The following CYB561A3 variants were observed in gnomAD, a reference collection of about 807,000 sequenced individuals.
CYB561A3 encodes lysosomal membrane ascorbate-dependent ferrireductase CYB561A3.
A neutral mutation model predicts 25.3 loss-of-function variants in CYB561A3; 16 were observed. The observed-to-expected ratio is 0.63, with a 90% CI of 0.43 to 0.96. The LOEUF (loss-of-function observed/expected upper bound fraction) is 0.96, where lower values mean the gene tolerates loss of function less well. Among genes scored for constraint, CYB561A3 ranks in the 40% least tolerant of loss-of-function variants. The pLI is 0.00. For synonymous variants in CYB561A3, 131 were observed against 129.9 expected, an observed-to-expected ratio of 1.01 and a Z score of -0.06; for missense variants, 219 against 307.5, an observed-to-expected ratio of 0.71 and a Z score of 2.15.
At chr11:61,350,758 G>GT in intron 6 of CYB561A3, 1 of 614,180 alleles carries the variant, frequency 1.6e-6, no homozygotes, top group East Asian at 2.9e-5. Flanking sequence ...ACAGTGATTT[G>GT]GGGGGGAAAT....
intron 3 of CYB561A3, among the ~76,000 whole-genome samples, chr11:61,355,148 G>A (rs377353761): frequency 1.3e-5 from 2 of 152,152 alleles, no homozygotes; most frequent in Admixed American, 6.5e-5. Context: ...GATTACAGGC[G>A]TGAGCCACCA....
intron 1 of CYB561A3, chr11:61,358,743 A>G (rs1857737105): frequency 6.6e-6 from 1 of 152,108 alleles, no homozygotes. Context: ...ATATATATAT[A>G]CATAGAATTC....
chr11:61,353,588 G>A (rs1247457540), intron 4 of CYB561A3, 196 bp downstream of exon 4: 2 of 732,022 alleles, frequency 2.7e-6, no homozygotes, highest in Non-Finnish European at 2.4e-6. Context: ...GGCAATGGGA[G>A]GGATAAAAGG....
chr11:61,361,413 G>T (rs1027985710), intron 1 of CYB561A3: 2 of 152,220 alleles, frequency 1.3e-5, no homozygotes, highest in Non-Finnish European at 2.9e-5. Flanking sequence ...TTCAGGCTGT[G>T]CCTAGGTCCG....
At chr11:61,356,386 G>T in intron 3 of CYB561A3, 144 bp downstream of exon 3, 2 of 944,838 alleles carry the variant, frequency 2.1e-6, no homozygotes, top group Non-Finnish European at 2.8e-6. Flanking sequence ...TCCCCCAAAT[G>T]ACAGCTAGGC....
chr11:61,361,687 A>G (rs1857892975), intron 1 of CYB561A3, 46 bp downstream of exon 1: 1 of 152,362 alleles, frequency 6.6e-6, no homozygotes, highest in African/African-American at 2.4e-5. Flanking sequence ...CGGAACCAGC[A>G]TTCGAACCCA....
At chr11:61,357,954 G>A (rs1245991756) in intron 1 of CYB561A3, 126 bp from the exon 2 acceptor site, 2 of 152,216 alleles carry the variant, frequency 1.3e-5, no homozygotes, top group African/African-American at 4.8e-5. Flanking sequence ...ATATTATTCC[G>A]TGAGGAAACT....
chr11:61,356,684 G>A lies in CYB561A3; in HGVS notation c.30C>T (p.Cys10=), dbSNP rs760125644. 61 of 1,614,198 alleles carry A rather than the reference G, an allele frequency of 3.8e-5. No homozygotes were observed. Among genetic ancestry groups the A allele is most frequent in the Non-Finnish European group, 5.0e-5 (59 of 1,180,036 alleles). ...TAGAGCCCAGGGACCCCAGCAGCAG[G>A]CAGGACAAGTAGAACCGTCCAGACA... MVSGRFYLS[C]LLLGSLGSMC... Residue 10 remains cysteine, a synonymous_variant, in exon 3 of 7, where the codon TGC becomes TGT. Coordinates refer to ENST00000294072, the MANE Select transcript of CYB561A3 (RefSeq NM_153611.6).
intron 6 of CYB561A3, 39 bp from the exon 7 acceptor site, chr11:61,350,461 A>C (rs777685243): frequency 6.2e-7 from 1 of 1,608,508 alleles, no homozygotes. Context: ...TAATGACATG[A>C]TGCAGGAGTC....
At chr11:61,356,869 C>G (rs1488672918) in intron 2 of CYB561A3, 141 bp from the exon 3 acceptor site, 3 of 1,451,354 alleles carry the variant, frequency 2.1e-6, no homozygotes, top group Non-Finnish European at 2.7e-6. Flanking sequence ...CTGGGCACCA[C>G]CCCCCGCCCG....
chr11:61,357,175 C>T (rs1857681406), intron 2 of CYB561A3: 2 of 1,551,406 alleles, frequency 1.3e-6, no homozygotes, highest in Admixed American at 3.9e-5. Flanking sequence ...AAATTACAGT[C>T]TGAAAAGAGC....
chr11:61,356,433 C>A, intron 3 of CYB561A3, 97 bp downstream of exon 3: 2 of 1,212,156 alleles, frequency 1.6e-6, no homozygotes, highest in Non-Finnish European at 2.2e-6. Flanking sequence ...CCCATAGCCC[C>A]AAGCCCAACA....
chr11:61,350,251 G>A lies in CYB561A3; in HGVS notation c.*148C>T, dbSNP rs756810006. 55 of 1,052,618 alleles carry A rather than the reference G, an allele frequency of 5.2e-5. No individual in the cohort carries two copies. The highest frequency in any genetic ancestry group is 6.7e-5 in the Non-Finnish European group (49 of 729,640). The allele number at this position is 1,052,618 out of a possible 1,614,324, so 65.2% of individuals were successfully genotyped here. A position where few individuals can be genotyped will look rare whatever the true frequency, so the allele number is the denominator to read the frequency against. The stretch of plus-strand genomic sequence containing the variant: ...GACAGGCAGCAAGCGGCCGGAGAGG[G>A]CAGGCCAGCACCCAGGCAAGAAGTC... On this transcript the variant is annotated 3_prime_UTR_variant, in exon 7 of 7. Transcript: ENST00000294072.
intron 3 of CYB561A3, 171 bp downstream of exon 3, chr11:61,356,359 C>G: frequency 1.1e-6 from 1 of 927,760 alleles, no homozygotes; most frequent in South Asian, 1.9e-5. Flanking sequence ...GAGATGCCCC[C>G]CATCTTAACC....
intron 6 of CYB561A3, 125 bp downstream of exon 6, chr11:61,350,866 C>G: frequency 7.2e-7 from 1 of 1,394,112 alleles, no homozygotes; most frequent in Non-Finnish European, 9.5e-7. Context: ...ACTCCACCCT[C>G]AAGTTACTTG....
In CYB561A3 at chr11:61,350,095, AAGC is replaced by A. The variant is rs1447429396; in HGVS notation, c.*301_*303del. ...GTGCAGAAGCCAAAGCCACCAAGGA[AAGC>A]AGACAGGCAGCAAGCAGCCAGAGAA... On this transcript the variant is annotated 3_prime_UTR_variant, in exon 7 of 7. Transcript: ENST00000294072. The A allele has an allele frequency of 3.6e-6, 2 of 555,898 alleles. No individual in the cohort carries two copies. The highest frequency in any genetic ancestry group is 3.8e-5 in the African/African-American group (2 of 52,994). The allele number at this position is 555,898 out of a possible 1,614,324, so 34.4% of individuals were successfully genotyped here. A position where few individuals can be genotyped will look rare whatever the true frequency, so the allele number is the denominator to read the frequency against.
In CYB561A3 at chr11:61,353,854, C is replaced by T. The variant is rs1310169353; in HGVS notation, c.323G>A (p.Gly108Glu). The T allele has an allele frequency of 3.1e-6, 5 of 1,614,170 alleles. No homozygotes were observed. The highest frequency in any genetic ancestry group is 1.7e-6 in the Non-Finnish European group (2 of 1,180,034). ...LVAVFTFHNHGRTANLYSLHS... is the reference protein window; with the variant it reads ...LVAVFTFHNHERTANLYSLHS... ...AAGGGAGTAGAGGTTGGCAGTCCTT[C>T]CATGGTTGTGAAACGTAAAGACAGC... The change falls in exon 4 of 7, where the codon GGA (glycine) becomes GAA (glutamate). Residue 108 changes from glycine to glutamate, a missense_variant. Coordinates refer to ENST00000294072, the MANE Select transcript of CYB561A3 (RefSeq NM_153611.6).
chr11:61,357,540 T>G (rs1316548415), intron 2 of CYB561A3, among the ~76,000 whole-genome samples, 193 bp downstream of exon 2: 1 of 152,092 alleles, frequency 6.6e-6, no homozygotes, highest in East Asian at 1.9e-4. Flanking sequence ...GCTAGGTGAG[T>G]GGGCAAAGCC....
At chr11:61,351,353 G>A (rs927565211) in intron 5 of CYB561A3, 5 of 442,910 alleles carry the variant, frequency 1.1e-5, no homozygotes, top group Admixed American at 5.0e-5. Context: ...GCAGTGGCAC[G>A]ATCTCGGCTC....
Sources: allele counts gnomAD v4.1 joint callset (sites outside exome capture counted in the v4.1 genomes callset), GRCh38; gene constraint gnomAD v4.1.1; transcripts MANE v1.5; gene names NCBI Gene and HGNC (gene_info 2026-07-23, HGNC 2026-07-21).